Variants in ANO4 observed in about 807,000 individuals in gnomAD.
ANO4 encodes anoctamin-4.
Under a neutral mutation model 141.9 loss-of-function variants are expected in ANO4, and 69 were observed. The observed-to-expected ratio is 0.49, with a 90% CI of 0.40 to 0.59. The LOEUF (loss-of-function observed/expected upper bound fraction) is 0.59. ANO4 is among the 20% of genes least tolerant of loss of function. The pLI, the probability that ANO4 is intolerant of heterozygous loss-of-function variation, is 0.00. For missense variants in ANO4, 894 were observed against 1,162.2 expected, an observed-to-expected ratio of 0.77 and a Z score of 3.36; for synonymous variants, 350 against 394.3, an observed-to-expected ratio of 0.89 and a Z score of 1.33.
At chr12:100,984,612 A>G (rs946916321) in intron 7 of ANO4, among the ~76,000 whole-genome samples, 1 of 152,120 alleles carries the variant, frequency 6.6e-6, no homozygotes, top group African/African-American at 2.4e-5. Flanking sequence ...TATTGTTACT[A>G]TTACCTCTAT....
intron 22 of ANO4, among the ~76,000 whole-genome samples, chr12:101,109,993 G>A (rs956068427): frequency 2.6e-5 from 4 of 152,200 alleles, no homozygotes; most frequent in Middle Eastern, 3.4e-3. Flanking sequence ...GCCGTTAGGG[G>A]TGCCTTCAAG....
intron 2 of ANO4, among the ~76,000 whole-genome samples, chr12:100,916,174 C>T (rs906997296): frequency 3.9e-5 from 6 of 152,026 alleles, no homozygotes; most frequent in South Asian, 2.1e-4. Context: ...GTCCTTTTTC[C>T]ACTGAGGAAG....
At chr12:100,829,474 C>T (rs964340705) in intron 1 of ANO4, among the ~76,000 whole-genome samples, 2 of 152,064 alleles carry the variant, frequency 1.3e-5, no homozygotes, top group Non-Finnish European at 2.9e-5. Flanking sequence ...GTTAGATGAT[C>T]TCAGATCTCA....
chr12:100,982,985 C>T (rs1303030306), intron 7 of ANO4, among the ~76,000 whole-genome samples: 1 of 152,174 alleles, frequency 6.6e-6, no homozygotes, highest in African/African-American at 2.4e-5. Flanking sequence ...GATGTATGAC[C>T]ACAGAATCAA....
chr12:100,888,391 C>T (rs936717446), intron 1 of ANO4, among the ~76,000 whole-genome samples: 1 of 152,188 alleles, frequency 6.6e-6, no homozygotes, highest in Non-Finnish European at 1.5e-5. Flanking sequence ...CAGGGTCTAG[C>T]AAGGGTGAGG....
chr12:101,120,421 T>A, intron 25 of ANO4, 99 bp from the exon 26 acceptor site: 1 of 1,013,202 alleles, frequency 9.9e-7, no homozygotes, highest in Non-Finnish European at 1.5e-6. Flanking sequence ...AACTTCAAAT[T>A]TCCCTCCTAT....
chr12:100,954,776 G>A (rs2043116221), intron 5 of ANO4, among the ~76,000 whole-genome samples: 1 of 152,178 alleles, frequency 6.6e-6, no homozygotes, highest in African/African-American at 2.4e-5. Flanking sequence ...GCATGGCTGA[G>A]TAAATCACCC....
chr12:100,892,983 GAC>G (rs1300133226), intron 1 of ANO4, among the ~76,000 whole-genome samples: 1 of 152,118 alleles, frequency 6.6e-6, no homozygotes, highest in East Asian at 1.9e-4. Context: ...CATGAAATAA[GAC>G]ACAGTCCTGG....
intron 7 of ANO4, among the ~76,000 whole-genome samples, chr12:100,986,539 T>C (rs1296777781): frequency 6.6e-6 from 1 of 152,206 alleles, no homozygotes. Flanking sequence ...TGGACATCCC[T>C]TAACTTAGCC....
At chr12:100,949,630 C>T (rs1035234608) in intron 5 of ANO4, among the ~76,000 whole-genome samples, 30 of 152,074 alleles carry the variant, frequency 2.0e-4, no homozygotes, top group African/African-American at 7.2e-4. Flanking sequence ...AATTTTCATC[C>T]AGTTTACAAA....
At position 101,007,225 on chromosome 12, in the gene ANO4, C is replaced by T. The variant is rs893686864; in HGVS notation, c.735-12809C>T. 3.3e-5 allele frequency among the ~76,000 whole-genome samples: 5 copies of T among 152,132 alleles called. No individual in the cohort carries two copies. In the South Asian group the frequency reaches 6.2e-4, roughly 19 times the overall value. On this transcript the variant is annotated intron_variant, in intron 8 of 27. Transcript: ENST00000392977. Reference sequence around the variant, plus strand: ...AAAATTAGCTGGGTGTGATGGCATGCGCCTGTAGGCCTAGCTACTTGGGAG... The same window carrying T: ...AAAATTAGCTGGGTGTGATGGCATGTGCCTGTAGGCCTAGCTACTTGGGAG...
chr12:101,128,040 C>T lies in ANO4; in HGVS notation c.*184C>T, dbSNP rs960490608. The T allele has an allele frequency of 3.9e-5, 6 of 152,654 alleles. No individual in the cohort carries two copies. Among genetic ancestry groups the T allele is most frequent in the Admixed American group, 6.5e-5 (1 of 15,282 alleles). 9.5% of individuals were successfully genotyped at this position (152,654 alleles called of 1,614,324 possible). On this transcript the variant is annotated 3_prime_UTR_variant, in exon 28 of 28. Coordinates refer to ENST00000392977, the MANE Select transcript of ANO4 (RefSeq NM_001286615.2). ...TTGGAGTCACACTGCTGTGAAATCACGTTGCAGTCCAGCGCACAATTGCTA... is the reference window on the plus strand; with the variant it reads ...TTGGAGTCACACTGCTGTGAAATCATGTTGCAGTCCAGCGCACAATTGCTA...
chr12:101,060,847 T>G (rs1316471337), intron 14 of ANO4, among the ~76,000 whole-genome samples: 1 of 152,204 alleles, frequency 6.6e-6, no homozygotes, highest in Non-Finnish European at 1.5e-5. Flanking sequence ...TGCCAACCTG[T>G]GTCTTTTAAT....
chr12:100,845,618 G>C (rs2037518329), intron 1 of ANO4, among the ~76,000 whole-genome samples: 1 of 152,090 alleles, frequency 6.6e-6, no homozygotes, highest in African/African-American at 2.4e-5. Context: ...CTGTATCTAT[G>C]TGATACATGG....
At chr12:100,975,696 C>T (rs985848189) in intron 7 of ANO4, among the ~76,000 whole-genome samples, 1 of 151,934 alleles carries the variant, frequency 6.6e-6, no homozygotes, top group African/African-American at 2.4e-5. Context: ...CCACCTCGGC[C>T]TCCCAAAGTG....
At chr12:101,031,453 T>C (rs1030971998) in intron 9 of ANO4, among the ~76,000 whole-genome samples, 2 of 152,192 alleles carry the variant, frequency 1.3e-5, no homozygotes, top group Non-Finnish European at 2.9e-5. Flanking sequence ...ATAAAAACTA[T>C]GACAAACCCA....
chr12:101,102,731 T>G (rs968574801), intron 22 of ANO4, among the ~76,000 whole-genome samples: 24 of 152,156 alleles, frequency 1.6e-4, no homozygotes, highest in Non-Finnish European at 3.1e-4. Flanking sequence ...CATATAAGTT[T>G]TAGAACCAGA....
At chr12:101,004,210 G>T (rs889005948) in intron 8 of ANO4, among the ~76,000 whole-genome samples, 1 of 151,992 alleles carries the variant, frequency 6.6e-6, no homozygotes, top group Non-Finnish European at 1.5e-5. Flanking sequence ...GATGATAACT[G>T]CAGGAAGTGA....
At chr12:100,971,545 G>A in intron 6 of ANO4, 139 bp downstream of exon 6, 1 of 530,908 alleles carries the variant, frequency 1.9e-6, no homozygotes, top group Non-Finnish European at 3.1e-6. Context: ...TTTAGGATAT[G>A]CAAATAAGCC....
Sources: allele counts gnomAD v4.1 joint callset (sites outside exome capture counted in the v4.1 genomes callset), GRCh38; gene constraint gnomAD v4.1.1; transcripts MANE v1.5; gene names NCBI Gene and HGNC (gene_info 2026-07-23, HGNC 2026-07-21).